MMP26: variants seen among roughly 807,000 people sequenced by gnomAD.
MMP26 encodes the protein matrix metallopeptidase 26, also known as matrix metalloproteinase-26.
MMP26 carries 33 observed loss-of-function variants against 31.0 expected under a neutral mutation model. The ratio of observed to expected loss-of-function variants is 1.06; its 90% confidence interval spans 0.81 to 1.42. The LOEUF is 1.42. MMP26 is among the 40% of genes most tolerant of loss of function. MMP26 has a pLI of 0.00. For synonymous variants in MMP26, 122 were observed against 114.9 expected (o/e 1.06, Z -0.40); for missense variants, 347 against 316.1 (o/e 1.10, Z -0.74).
intron 2 of MMP26, among the ~76,000 whole-genome samples, chr11:4,865,806 C>T (rs917595266): frequency 1.4e-4 from 22 of 152,042 alleles, no homozygotes; most frequent in Admixed American, 4.6e-4. Context: ...AATAAAGAAG[C>T]GCCATCCACA....
chr11:4,970,304 T>C (rs186822193), intron 2 of MMP26, among the ~76,000 whole-genome samples: 48 of 152,364 alleles, frequency 3.2e-4, no homozygotes, highest in African/African-American at 1.1e-3. Flanking sequence ...CTTATGATTT[T>C]CTTTTGTTCT....
At chr11:4,919,571 C>A (rs945882687) in intron 2 of MMP26, among the ~76,000 whole-genome samples, 2 of 152,066 alleles carry the variant, frequency 1.3e-5, no homozygotes, top group African/African-American at 2.4e-5. Flanking sequence ...CATGTACCAG[C>A]CACTGGTGAA....
chr11:4,870,204 T>C (rs952939897), intron 2 of MMP26, among the ~76,000 whole-genome samples: 2 of 152,116 alleles, frequency 1.3e-5, no homozygotes, highest in African/African-American at 4.8e-5. Flanking sequence ...ACTTGTACCC[T>C]GGAACTTAAA....
chr11:4,768,744 G>T (rs532424665), intron 2 of MMP26, among the ~76,000 whole-genome samples: 2 of 152,290 alleles, frequency 1.3e-5, no homozygotes, highest in Admixed American at 6.5e-5. Context: ...CATGTTAATT[G>T]CCAGGAGTAT....
At chr11:4,924,358 T>G (rs1021474860) in intron 2 of MMP26, 6 of 1,567,076 alleles carry the variant, frequency 3.8e-6, no homozygotes, top group Non-Finnish European at 5.2e-6. Flanking sequence ...AATCTTGGAC[T>G]CAGAAACCTG....
chr11:4,788,068 G>C (rs1290840900), intron 2 of MMP26, among the ~76,000 whole-genome samples: 2 of 152,146 alleles, frequency 1.3e-5, no homozygotes, highest in Non-Finnish European at 2.9e-5. Flanking sequence ...AGAAGATACA[G>C]TTAGTGCCAT....
chr11:4,907,756 C>G (rs1408722107), intron 2 of MMP26: 1 of 1,613,928 alleles, frequency 6.2e-7, no homozygotes, highest in Non-Finnish European at 8.5e-7. Flanking sequence ...TTCACAATCC[C>G]TTAAGATACA....
rs185723637 is a variant in MMP26, at chr11:4,852,274, A to G, written c.-145+84933A>G. On this transcript the variant is annotated intron_variant, in intron 2 of 7. Coordinates refer to ENST00000380390, the MANE Select transcript of MMP26 (RefSeq NM_021801.5). ...AATAGTTGAAGATTTTAATATCCCA[A>G]ACTCAATAATTGATAAAACAATTGA... Among the ~76,000 whole-genome samples, 53 of 152,274 alleles carry G rather than the reference A, an allele frequency of 3.5e-4. 1 individual carries two copies. The highest frequency in any genetic ancestry group is 6.5e-4 in the Non-Finnish European group (44 of 67,984).
At chr11:4,768,842 A>G (rs1848665632) in intron 2 of MMP26, 1 of 491,536 alleles carries the variant, frequency 2.0e-6, no homozygotes, top group Non-Finnish European at 3.5e-6. Flanking sequence ...GACCAAATAT[A>G]CAACATATTT....
At chr11:4,804,524 T>G (rs747497103) in intron 2 of MMP26, 1 of 787,260 alleles carries the variant, frequency 1.3e-6, no homozygotes. Flanking sequence ...TAAACTAGAA[T>G]AATTTCAACT....
intron 1 of MMP26, among the ~76,000 whole-genome samples, chr11:4,737,616 T>C (rs12225167): frequency 0.17 from 26,508 of 152,086 alleles, 2,792 homozygotes; most frequent in African/African-American, 0.3. Flanking sequence ...GCACTCCAGC[T>C]TGGGCAACAA....
intron 1 of MMP26, among the ~76,000 whole-genome samples, chr11:4,734,626 AT>A (rs59426040): frequency 0.12 from 17,912 of 151,752 alleles, 1,130 homozygotes; most frequent in African/African-American, 0.14. Flanking sequence ...TCCCTTTGGG[AT>A]TTTTTTTATG....
At chr11:4,915,603 C>T in intron 2 of MMP26, 1 of 1,614,088 alleles carries the variant, frequency 6.2e-7, no homozygotes, top group Non-Finnish European at 8.5e-7. Context: ...CCAGGGATGC[C>T]ACTCAGCAGG....
At chr11:4,822,213 T>C (rs773158484) in intron 2 of MMP26, 20 of 1,590,534 alleles carry the variant, frequency 1.3e-5, no homozygotes, top group Non-Finnish European at 1.6e-5. Context: ...CTCTTGTCCA[T>C]CGCTATGGCC....
chr11:4,822,525 A>C, intron 2 of MMP26: 1 of 696,830 alleles, frequency 1.4e-6, no homozygotes, highest in East Asian at 3.3e-5. Flanking sequence ...TTTCTTTGTC[A>C]ATAAATTCAT....
intron 2 of MMP26, among the ~76,000 whole-genome samples, chr11:4,921,992 C>T (rs1181808732): frequency 2.6e-5 from 4 of 152,186 alleles, no homozygotes; most frequent in Non-Finnish European, 5.9e-5. Flanking sequence ...TCATGCCTTA[C>T]TGCCCTCCCA....
In MMP26 at chr11:4,848,655, G is replaced by A. The variant is rs749986551; in HGVS notation, c.-145+81314G>A. 1.9e-5 allele frequency: 31 copies of A among 1,613,538 alleles called. No individual in the cohort carries two copies. In the South Asian group the frequency reaches 2.9e-4, roughly 15 times the overall value. ...AGCCACATCTGGATGCAAGCAATAA[G>A]AATGGGTTAGGACCTGTGGGAGGCA... is the stretch of plus-strand genomic sequence containing the variant. On this transcript the variant is annotated intron_variant, in intron 2 of 7. Transcript: ENST00000380390.
At chr11:4,806,684 G>A (rs1418766797) in intron 2 of MMP26, among the ~76,000 whole-genome samples, 14 of 152,114 alleles carry the variant, frequency 9.2e-5, no homozygotes. Context: ...TAACAGACTG[G>A]GAGAAATAGG....
chr11:4,811,149 A>G (rs1490975457), intron 2 of MMP26, among the ~76,000 whole-genome samples: 2 of 152,180 alleles, frequency 1.3e-5, no homozygotes, highest in East Asian at 1.9e-4. Flanking sequence ...TCAGGCTGAC[A>G]TTGTACATTG....
Sources: gnomAD v4.1 joint callset for allele counts (sites outside exome capture counted in the v4.1 genomes callset) on GRCh38, gnomAD v4.1.1 for gene constraint, MANE v1.5 for transcripts, NCBI Gene and HGNC (gene_info 2026-07-23, HGNC 2026-07-21) for gene names.